ZNF385D: variants seen among roughly 807,000 people sequenced by gnomAD.
ZNF385D encodes the protein zinc finger protein 385D.
Under a neutral mutation model 35.8 loss-of-function variants are expected in ZNF385D, and 15 were observed. The ratio of observed to expected loss-of-function variants is 0.42; its 90% CI spans 0.28 to 0.64. ZNF385D has a LOEUF of 0.64. ZNF385D is among the 30% of genes least tolerant of loss of function. The pLI, the probability that ZNF385D is intolerant of heterozygous loss-of-function variation, is 0.23. For missense variants in ZNF385D, 474 were observed against 494.6 expected (o/e 0.96, Z 0.39); for synonymous variants, 212 against 186.8 (o/e 1.13, Z -1.10).
At chr3:21,602,925 ACTAATC>A (rs1319140924) in intron 2 of ZNF385D, among the ~76,000 whole-genome samples, 1 of 152,068 alleles carries the variant, frequency 6.6e-6, no homozygotes, top group African/African-American at 2.4e-5. Context: ...CTTCTCATCC[ACTAATC>A]CTAAACCTCC....
intron 1 of ZNF385D, among the ~76,000 whole-genome samples, chr3:21,708,918 T>C (rs1335691709): frequency 1.3e-5 from 2 of 152,094 alleles, no homozygotes; most frequent in Non-Finnish European, 2.9e-5. Flanking sequence ...GATCTTAATG[T>C]CCTTACTAAA....
intron 2 of ZNF385D, among the ~76,000 whole-genome samples, chr3:22,201,598 G>C (rs936295266): frequency 6.6e-6 from 1 of 151,906 alleles, no homozygotes; most frequent in Non-Finnish European, 1.5e-5. Flanking sequence ...ATTTTTAAAA[G>C]TTTATCTCAA....
chr3:22,192,642 T>G (rs561221544), intron 2 of ZNF385D, among the ~76,000 whole-genome samples: 25 of 152,298 alleles, frequency 1.6e-4, no homozygotes, highest in Admixed American at 1.4e-3. Context: ...AGATTATTGA[T>G]GTCATGGCCA....
chr3:21,697,336 C>T lies in ZNF385D; in HGVS notation c.23-32308G>A, dbSNP rs1377996820. ...ATCACATGAAAAAAAGACAAGAAAT[C>T]AATATATAATGTAAATAGTGGTAAG... On this transcript the variant is annotated intron_variant, in intron 1 of 7. Coordinates refer to ENST00000281523, the MANE Select transcript of ZNF385D (RefSeq NM_024697.3). 6.6e-5 allele frequency among the ~76,000 whole-genome samples: 10 copies of T among 152,154 alleles called. No homozygotes were observed. The East Asian group carries it at 1.7e-3, about 26-fold the overall frequency.
At chr3:22,331,032 G>A (rs1313273739) in intron 2 of ZNF385D, among the ~76,000 whole-genome samples, 3 of 152,104 alleles carry the variant, frequency 2.0e-5, no homozygotes, top group African/African-American at 7.2e-5. Context: ...ACATATATAT[G>A]CACATTTATG....
At chr3:22,294,523 T>C (rs978545030) in intron 2 of ZNF385D, among the ~76,000 whole-genome samples, 5 of 152,106 alleles carry the variant, frequency 3.3e-5, no homozygotes, top group African/African-American at 1.2e-4. Context: ...TTTTATTTCC[T>C]TAAGATGATA....
intron 3 of ZNF385D, among the ~76,000 whole-genome samples, chr3:21,813,056 C>G (rs1201783374): frequency 2.0e-5 from 3 of 152,184 alleles, no homozygotes; most frequent in African/African-American, 7.2e-5. Context: ...GTTCTGCAGC[C>G]TCCGCTGGTG....
intron 2 of ZNF385D, among the ~76,000 whole-genome samples, chr3:22,268,001 C>A (rs895340477): frequency 6.6e-6 from 1 of 151,922 alleles, no homozygotes; most frequent in Admixed American, 6.6e-5. Context: ...TGAAAGAAAG[C>A]AAATATTCTT....
rs149760170 is a variant in ZNF385D at position 22,079,692 on chromosome 3, A to T, written c.325+89125T>A. ...GATAGCATAAGGTATCCAAAACCAGATTAAATATGTCTTTATTTGTATCAT... is the reference window on the plus strand; with the variant it reads ...GATAGCATAAGGTATCCAAAACCAGTTTAAATATGTCTTTATTTGTATCAT... On this transcript the variant is annotated intron_variant, in intron 3 of 5. Transcript: ENST00000494108. Among the ~76,000 whole-genome samples the T allele has an allele frequency of 9.0e-4, 137 of 152,200 alleles. 1 individual carries two copies. Among genetic ancestry groups the T allele is most frequent in the African/African-American group, 3.1e-3 (128 of 41,564 alleles).
chr3:21,651,051 G>T (rs549336070), intron 2 of ZNF385D, among the ~76,000 whole-genome samples: 1 of 151,686 alleles, frequency 6.6e-6, no homozygotes, highest in Non-Finnish European at 1.5e-5. Context: ...AGGCTGAGGC[G>T]GGCAGATCAT....
chr3:22,105,843 C>T (rs1281553942), intron 3 of ZNF385D, among the ~76,000 whole-genome samples: 1 of 152,112 alleles, frequency 6.6e-6, no homozygotes, highest in Admixed American at 6.6e-5. Flanking sequence ...ACTGGCTGGG[C>T]ATCCTGGGAC....
At chr3:22,163,961 G>A (rs1706137219) in intron 3 of ZNF385D, among the ~76,000 whole-genome samples, 1 of 152,156 alleles carries the variant, frequency 6.6e-6, no homozygotes, top group African/African-American at 2.4e-5. Context: ...TTTTTAGCTA[G>A]GTTTCTGTGT....
At chr3:22,092,467 C>T (rs1701383582) in intron 3 of ZNF385D, among the ~76,000 whole-genome samples, 2 of 152,088 alleles carry the variant, frequency 1.3e-5, no homozygotes, top group Admixed American at 1.3e-4. Flanking sequence ...TTGTATGACA[C>T]CTATCTGTGG....
intron 3 of ZNF385D, among the ~76,000 whole-genome samples, chr3:22,069,411 G>A (rs1358967697): frequency 6.6e-6 from 1 of 152,204 alleles, no homozygotes; most frequent in Non-Finnish European, 1.5e-5. Context: ...TGGCCTCGGG[G>A]TGGGGAGAGA....
intron 2 of ZNF385D, among the ~76,000 whole-genome samples, chr3:22,291,857 C>T (rs1041852588): frequency 2.0e-5 from 3 of 151,976 alleles, no homozygotes; most frequent in African/African-American, 4.8e-5. Flanking sequence ...TTTTTATTTA[C>T]AAACATGTGT....
intron 3 of ZNF385D, among the ~76,000 whole-genome samples, chr3:21,792,118 T>G (rs959133482): frequency 6.6e-6 from 1 of 152,220 alleles, no homozygotes; most frequent in Non-Finnish European, 1.5e-5. Flanking sequence ...TGGGACTTCT[T>G]TCATCAATAA....
At chr3:21,538,651 C>T (rs1355828239) in intron 3 of ZNF385D, among the ~76,000 whole-genome samples, 1 of 152,064 alleles carries the variant, frequency 6.6e-6, no homozygotes, top group Non-Finnish European at 1.5e-5. Context: ...GTGTTACTTC[C>T]TAAACCTGCA....
At chr3:21,518,219 G>A (rs1008039638) in intron 3 of ZNF385D, among the ~76,000 whole-genome samples, 1 of 151,780 alleles carries the variant, frequency 6.6e-6, no homozygotes, top group Non-Finnish European at 1.5e-5. Flanking sequence ...AAAAATTATC[G>A]ATTTTTTTTT....
chr3:21,527,182 A>G (rs1339358495), intron 3 of ZNF385D, among the ~76,000 whole-genome samples: 1 of 152,198 alleles, frequency 6.6e-6, no homozygotes, highest in East Asian at 1.9e-4. Context: ...GTAGGTGCTC[A>G]GTATCTATTT....
Sources: gnomAD v4.1 joint callset for allele counts (sites outside exome capture counted in the v4.1 genomes callset) on GRCh38, gnomAD v4.1.1 for gene constraint, MANE v1.5 for transcripts, NCBI Gene and HGNC (gene_info 2026-07-23, HGNC 2026-07-21) for gene names.